The following ASH1L variants were observed in gnomAD, a reference collection of about 807,000 sequenced individuals.
ASH1L encodes ASH1 like histone lysine methyltransferase.
In ASH1L, 23 loss-of-function variants were observed where a neutral mutation model predicts 269.0. That is an observed-to-expected ratio of 0.09 (90% CI 0.06 to 0.12). The LOEUF is 0.12. ASH1L is among the 10% of genes least tolerant of loss of function. ASH1L has a pLI of 1.00. For missense variants in ASH1L, 2,912 were observed against 3,567.8 expected (o/e 0.82, Z 4.68); for synonymous variants, 1,187 against 1,253.5 (o/e 0.95, Z 1.12).
rs369732181 is a variant in ASH1L, at chr1:155,480,177, C to T, written c.2693G>A (p.Arg898Lys). ...AGGTGGCTTCATCTTGACTGGTGAC[C>T]TCATTTGCCTCTTAGGCCTGCCTCT... ...KKRGRPKRQMRSPVKMKPPVL... is the reference protein window; with the variant it reads ...KKRGRPKRQMKSPVKMKPPVL... Residue 898 changes from arginine (R) to lysine (K), a missense_variant, in exon 3 of 28, where the codon AGG becomes AAG. Arg to Lys is a conservative substitution (Grantham distance 26). Coordinates refer to ENST00000392403, the MANE Select transcript of ASH1L (RefSeq NM_018489.3). 43 of 1,613,922 alleles carry T rather than the reference C, an allele frequency of 2.7e-5. No homozygotes were observed. Among genetic ancestry groups the T allele is most frequent in the Admixed American group, 6.7e-5 (4 of 59,990 alleles).
intron 1 of ASH1L, 175 bp downstream of exon 1, chr1:155,561,978 G>A (rs1433095222): frequency 1.4e-5 from 8 of 556,340 alleles, no homozygotes; most frequent in Non-Finnish European, 3.2e-6. Context: ...CACCCCGCCT[G>A]GAGGGACTTC....
At chr1:155,489,574 C>G (rs1666602058) in intron 2 of ASH1L, among the ~76,000 whole-genome samples, 1 of 150,994 alleles carries the variant, frequency 6.6e-6, no homozygotes. Flanking sequence ...ATCAAGACCA[C>G]AGTGAAACCC....
At chr1:155,457,292 C>T (rs1663930523) in intron 4 of ASH1L, among the ~76,000 whole-genome samples, 1 of 152,086 alleles carries the variant, frequency 6.6e-6, no homozygotes, top group Non-Finnish European at 1.5e-5. Flanking sequence ...GTTCCAACTC[C>T]TCTGAATGAA....
chr1:155,513,020 T>A (rs1668267992), intron 2 of ASH1L, among the ~76,000 whole-genome samples: 2 of 151,556 alleles, frequency 1.3e-5, no homozygotes, highest in South Asian at 4.2e-4. Context: ...CCTAATCACA[T>A]CACTGCACTC....
chr1:155,489,636 T>C (rs1270356622), intron 2 of ASH1L, among the ~76,000 whole-genome samples: 2 of 151,740 alleles, frequency 1.3e-5, no homozygotes, highest in African/African-American at 4.8e-5. Flanking sequence ...CGGGTGCCTG[T>C]AGTCCCAGCT....
chr1:155,518,713 A>AAG (rs1476560906), intron 2 of ASH1L, among the ~76,000 whole-genome samples: 1 of 150,568 alleles, frequency 6.6e-6, no homozygotes, highest in Non-Finnish European at 1.5e-5. Context: ...GGAGGAAGGA[A>AAG]AGAGAGAGAA....
intron 6 of ASH1L, among the ~76,000 whole-genome samples, chr1:155,410,869 G>C (rs1214715070): frequency 6.6e-6 from 1 of 151,418 alleles, no homozygotes; most frequent in Non-Finnish European, 1.5e-5. Context: ...GCGGCCTAAA[G>C]TGCTGGGATT....
At chr1:155,411,588 T>TATAAATAAATAA (rs1659795989) in intron 6 of ASH1L, among the ~76,000 whole-genome samples, 1 of 31,478 alleles carries the variant, frequency 3.2e-5, no homozygotes, top group Non-Finnish European at 9.4e-5. Context: ...AATAAATAAA[T>TATAAATAAATAA]ATATATATAT....
chr1:155,344,395 A>G, intron 21 of ASH1L, 122 bp from the exon 22 acceptor site: 4 of 714,686 alleles, frequency 5.6e-6, no homozygotes, highest in Non-Finnish European at 9.2e-6. Context: ...CCACAGATAT[A>G]CAAAAAAGAT....
intron 1 of ASH1L, among the ~76,000 whole-genome samples, chr1:155,548,709 C>G (rs114287041): frequency 6.6e-6 from 1 of 152,030 alleles, no homozygotes; most frequent in African/African-American, 2.4e-5. Context: ...AATATTTATC[C>G]AGCAACTCAG....
chr1:155,370,774 T>C lies in ASH1L; in HGVS notation c.6539+3A>G. 2.5e-6 allele frequency: 4 copies of C among 1,614,218 alleles called. No homozygotes were observed. Among genetic ancestry groups the C allele is most frequent in the Non-Finnish European group, 3.4e-6 (4 of 1,180,010 alleles). On this transcript the variant is annotated splice_donor_region_variant and intron_variant, in intron 11 of 27. Transcript: ENST00000392403. ...ATTAGAGTATCATCATTTACCACCG[T>C]ACCTGAACTCCTGTTCACTGACGAC...
rs575106322 is a variant in ASH1L at position 155,548,382 on chromosome 1, C to T, written c.-100+13771G>A. The stretch of plus-strand genomic sequence containing the variant: ...ACTAAAAATACAAAAATTAGCCGGG[C>T]GTGTTTGGCACATGCCTGTACTCCC... On this transcript the variant is annotated intron_variant, in intron 1 of 27. Transcript: ENST00000392403. Among the ~76,000 whole-genome samples the T allele has an allele frequency of 3.3e-5, 5 of 152,020 alleles. No homozygotes were observed. In the South Asian group the frequency reaches 8.3e-4, roughly 25 times the overall value.
At chr1:155,386,163 G>C (rs1657411299) in intron 7 of ASH1L, among the ~76,000 whole-genome samples, 1 of 151,522 alleles carries the variant, frequency 6.6e-6, no homozygotes, top group Admixed American at 6.6e-5. Context: ...TGCCTCCTGA[G>C]TTCAAGCGAT....
chr1:155,538,564 G>A (rs1489888098), intron 1 of ASH1L, among the ~76,000 whole-genome samples: 1 of 149,078 alleles, frequency 6.7e-6, no homozygotes, highest in East Asian at 2.0e-4. Flanking sequence ...TCACTATATT[G>A]AACTCCTGAC....
At chr1:155,559,851 G>T (rs939245209) in intron 1 of ASH1L, among the ~76,000 whole-genome samples, 6 of 152,090 alleles carry the variant, frequency 3.9e-5, no homozygotes, top group African/African-American at 1.4e-4. Flanking sequence ...CTCCAAGACA[G>T]GAGCTTCAAA....
rs1660171663 is a variant in ASH1L at position 155,415,956 on chromosome 1, T to TG, written c.5829-34dup. On this transcript the variant is annotated intron_variant, in intron 5 of 27. Coordinates refer to ENST00000392403, the MANE Select transcript of ASH1L (RefSeq NM_018489.3). ...GAGAAGTTTAAAGATAATTTTATTA[T>TG]GAAAAAAAAGTTTTCCTACAAATAA... 2.8e-6 allele frequency: 4 copies of TG among 1,423,692 alleles called. No individual in the cohort carries two copies. In the East Asian group the frequency reaches 7.7e-5, roughly 27 times the overall value. 88.2% of individuals were successfully genotyped at this position (1,423,692 alleles called of 1,614,324 possible).
At position 155,352,951 on chromosome 1, in the gene ASH1L, T is replaced by A. The variant is rs911584640; in HGVS notation, c.7214-93A>T. The A allele has an allele frequency of 2.8e-5, 35 of 1,241,228 alleles. No individual in the cohort carries two copies. The Middle Eastern group carries it at 1.4e-3, about 48-fold the overall frequency. The allele number at this position is 1,241,228 out of a possible 1,614,324, so 76.9% of individuals were successfully genotyped here. A position where few individuals can be genotyped will look rare whatever the true frequency, so the allele number is the denominator to read the frequency against. On this transcript the variant is annotated intron_variant, in intron 16 of 27. Transcript: ENST00000392403. ...TGGATTCCTGCCATTTGCTCTATTT[T>A]CCCCTGAAGTGATTAGGTAGATTAG...
At chr1:155,346,173 T>G in intron 21 of ASH1L, 3 of 1,465,326 alleles carry the variant, frequency 2.0e-6, no homozygotes, top group Non-Finnish European at 2.7e-6. Context: ...CTTCCACAGA[T>G]TTCTAAGTAT....
chr1:155,434,049 G>T, intron 5 of ASH1L: 1 of 1,592,366 alleles, frequency 6.3e-7, no homozygotes, highest in East Asian at 2.3e-5. Flanking sequence ...CAATCAAGCA[G>T]CGACTATGCA....
Sources: allele counts gnomAD v4.1 joint callset (sites outside exome capture counted in the v4.1 genomes callset), GRCh38; gene constraint gnomAD v4.1.1; transcripts MANE v1.5; gene names NCBI Gene and HGNC (gene_info 2026-07-23, HGNC 2026-07-21).